The following SLC44A1 variants were observed in gnomAD, a reference collection of about 807,000 sequenced individuals.
SLC44A1 encodes the protein solute carrier family 44 member 1.
Under a neutral mutation model 79.3 loss-of-function variants are expected in SLC44A1, and 26 were observed. The ratio of observed to expected loss-of-function variants is 0.33; its 90% CI spans 0.24 to 0.46. The LOEUF (loss-of-function observed/expected upper bound fraction) is 0.46. SLC44A1 is among the 20% of genes least tolerant of loss of function. The pLI is 1.00. For synonymous variants in SLC44A1, 263 were observed against 286.2 expected (o/e 0.92, Z 0.82); for missense variants, 688 against 798.1 (o/e 0.86, Z 1.66).
In SLC44A1 at chr9:105,249,865, A is replaced by ATT. The variant is rs71501461; in HGVS notation, c.36+4979_36+4980dup. Among the ~76,000 whole-genome samples the ATT allele has an allele frequency of 8.6e-3, 1,100 of 127,364 alleles. 10 individuals are homozygous for ATT. Among genetic ancestry groups the ATT allele is most frequent in the Middle Eastern group, 0.024 (6 of 250 alleles). 83.6% of individuals were successfully genotyped at this position (127,364 alleles called of 152,430 possible). On this transcript the variant is annotated intron_variant, in intron 1 of 15. Coordinates refer to ENST00000374720, the MANE Select transcript of SLC44A1 (RefSeq NM_080546.5). ...CCAAATCTTAAATTGCAGTTTACTA[A>ATT]TTTTTTTTTTTTTTTTTTTGTGAAG...
chr9:105,413,853 A>G (rs1397690182), intron 15 of SLC44A1, among the ~76,000 whole-genome samples: 4 of 152,160 alleles, frequency 2.6e-5, no homozygotes, highest in Non-Finnish European at 5.9e-5. Context: ...CCTGACTACG[A>G]AGGAATGTGT....
At chr9:105,375,078 G>A (rs1010732615) in intron 13 of SLC44A1, among the ~76,000 whole-genome samples, 1 of 152,184 alleles carries the variant, frequency 6.6e-6, no homozygotes, top group Non-Finnish European at 1.5e-5. Flanking sequence ...TTTCGCTCTT[G>A]TCGCCCAGGC....
At chr9:105,280,382 G>GATAA in intron 1 of SLC44A1, among the ~76,000 whole-genome samples, 1 of 152,286 alleles carries the variant, frequency 6.6e-6, no homozygotes, top group South Asian at 2.1e-4. Flanking sequence ...GATTAAATGA[G>GATAA]ATAAAGAGTT....
In SLC44A1 at chr9:105,244,831, C is replaced by T. The variant is rs1416336192; in HGVS notation, c.-38C>T. ...GCCGAGGGGCTCCGGGGCGTAGCTG[C>T]GCGCCCGGCGCCGCCTCCGGGCTCC... On this transcript the variant is annotated 5_prime_UTR_variant, in exon 1 of 16. Coordinates refer to ENST00000374720, the MANE Select transcript of SLC44A1 (RefSeq NM_080546.5). 55 of 1,099,322 alleles carry T rather than the reference C, an allele frequency of 5.0e-5. No individual in the cohort carries two copies. The East Asian group carries it at 8.6e-4, about 17-fold the overall frequency. 68.1% of individuals were successfully genotyped at this position (1,099,322 alleles called of 1,614,324 possible).
chr9:105,332,856 G>A (rs530797389), intron 3 of SLC44A1, among the ~76,000 whole-genome samples: 8 of 152,238 alleles, frequency 5.3e-5, no homozygotes, highest in Admixed American at 3.9e-4. Context: ...GTAATGACAC[G>A]AATCACTGAG....
chr9:105,258,513 A>T (rs1207350759), intron 1 of SLC44A1, among the ~76,000 whole-genome samples: 1 of 152,166 alleles, frequency 6.6e-6, no homozygotes, highest in Non-Finnish European at 1.5e-5. Context: ...AGGTACCTTG[A>T]CTAGGATCGC....
intron 11 of SLC44A1, 51 bp downstream of exon 11, chr9:105,365,690 A>C: frequency 1.3e-6 from 2 of 1,511,046 alleles, no homozygotes; most frequent in Non-Finnish European, 1.8e-6. Flanking sequence ...TCCAGACCTC[A>C]GTTCTGCATG....
chr9:105,420,189 C>T (rs887289891), intron 15 of SLC44A1, among the ~76,000 whole-genome samples: 1 of 152,176 alleles, frequency 6.6e-6, no homozygotes, highest in Admixed American at 6.5e-5. Flanking sequence ...TAGCAGAATG[C>T]GCCCTATTGC....
chr9:105,336,120 GTGTGTGTGTGTGCA>G (rs765805248), intron 4 of SLC44A1, among the ~76,000 whole-genome samples: 7 of 147,184 alleles, frequency 4.8e-5, no homozygotes, highest in Non-Finnish European at 1.0e-4. Flanking sequence ...ACATACATAT[GTGTGTGTGTGTGCA>G]TGTGTGTGTG....
At chr9:105,294,968 C>T (rs1830687789) in intron 1 of SLC44A1, among the ~76,000 whole-genome samples, 1 of 149,614 alleles carries the variant, frequency 6.7e-6, no homozygotes, top group African/African-American at 2.5e-5. Context: ...TTTTCCTTGC[C>T]TGTGTTTAGT....
chr9:105,261,456 G>T (rs566637438), intron 1 of SLC44A1, among the ~76,000 whole-genome samples: 3 of 152,180 alleles, frequency 2.0e-5, no homozygotes, highest in Non-Finnish European at 4.4e-5. Flanking sequence ...TTTGTTCAGA[G>T]TGTGACCTGG....
In SLC44A1 at chr9:105,390,454, C is replaced by CTCAGCAT; in HGVS notation, c.*1400_*1406dup. On this transcript the variant is annotated 3_prime_UTR_variant, in exon 16 of 16. Coordinates refer to ENST00000374720, the MANE Select transcript of SLC44A1 (RefSeq NM_080546.5). ...ACAAAAAAAAAAAAAAAAAAAAAGC[C>CTCAGCAT]TCAGCATTTTATCATTCCATGGAAG... 1.1e-6 allele frequency: 1 copy of CTCAGCAT among 909,198 alleles called. No homozygotes were observed. Among genetic ancestry groups the CTCAGCAT allele is most frequent in the Non-Finnish European group, 1.3e-6 (1 of 769,470 alleles). 56.3% of individuals were successfully genotyped at this position (909,198 alleles called of 1,614,324 possible).
chr9:105,393,243 T>C lies in SLC44A1; in HGVS notation c.*4187T>C, dbSNP rs930411361. ...TGTATCTTTGTGTGCTAAGAATGCA[T>C]GTTAGCCCTTTTGAAAAGTAGGCAC... On this transcript the variant is annotated 3_prime_UTR_variant, in exon 16 of 16. Coordinates refer to ENST00000374720, the MANE Select transcript of SLC44A1 (RefSeq NM_080546.5). 31 of 985,332 alleles carry C rather than the reference T, an allele frequency of 3.1e-5. No individual in the cohort carries two copies. In the African/African-American group the frequency reaches 5.1e-4, roughly 16 times the overall value. The allele number at this position is 985,332 out of a possible 1,614,324, so 61.0% of individuals were successfully genotyped here. A position where few individuals can be genotyped will look rare whatever the true frequency, so the allele number is the denominator to read the frequency against.
intron 3 of SLC44A1, among the ~76,000 whole-genome samples, chr9:105,331,651 T>C (rs970283107): frequency 6.6e-6 from 1 of 152,252 alleles, no homozygotes; most frequent in African/African-American, 2.4e-5. Context: ...ATGAATTAGT[T>C]AAAGTATAAT....
downstream of SLC44A1, among the ~76,000 whole-genome samples, chr9:105,400,102 G>A (rs1358769542): frequency 6.6e-6 from 1 of 152,206 alleles, no homozygotes; most frequent in Non-Finnish European, 1.5e-5. Context: ...GGCTGAGGCA[G>A]GAGAATTGCT....
At chr9:105,344,847 T>C (rs1386534060) in intron 4 of SLC44A1, among the ~76,000 whole-genome samples, 2 of 152,116 alleles carry the variant, frequency 1.3e-5, no homozygotes, top group African/African-American at 4.8e-5. Context: ...TAAATAGCTT[T>C]GTTGGGTTGG....
chr9:105,335,847 C>A, intron 4 of SLC44A1, 148 bp downstream of exon 4: 1 of 782,168 alleles, frequency 1.3e-6, no homozygotes, highest in Non-Finnish European at 1.9e-6. Flanking sequence ...TTATAGTCAC[C>A]CAGGGAGCTT....
chr9:105,387,410 C>T (rs1363262062), intron 15 of SLC44A1, among the ~76,000 whole-genome samples: 1 of 152,052 alleles, frequency 6.6e-6, no homozygotes, highest in Non-Finnish European at 1.5e-5. Flanking sequence ...GTAATCTTCC[C>T]ATCAGGTTCC....
At chr9:105,379,189 T>C (rs1419132436) in intron 13 of SLC44A1, among the ~76,000 whole-genome samples, 1 of 152,030 alleles carries the variant, frequency 6.6e-6, no homozygotes, top group African/African-American at 2.4e-5. Flanking sequence ...GGTGGGAGAA[T>C]CGCTTCAGCC....
Sources: allele counts gnomAD v4.1 joint callset (sites outside exome capture counted in the v4.1 genomes callset), GRCh38; gene constraint gnomAD v4.1.1; transcripts MANE v1.5; gene names NCBI Gene and HGNC (gene_info 2026-07-23, HGNC 2026-07-21).